Variants in ATP7B observed in about 807,000 individuals in gnomAD.
ATP7B encodes the protein copper-transporting ATPase 2.
In ATP7B, 113 loss-of-function variants were observed where a neutral mutation model predicts 118.9. That is an observed-to-expected ratio of 0.95 (90% CI 0.82 to 1.11). ATP7B has a LOEUF of 1.11. Among genes scored for constraint, ATP7B ranks in the 50% most tolerant of loss-of-function variants. ATP7B has a pLI of 0.00. For synonymous variants in ATP7B, 777 were observed against 727.4 expected (o/e 1.07, Z -1.10); for missense variants, 1,867 against 1,871.4 (o/e 1.00, Z 0.04).
chr13:51,958,148 T>C (rs1958475287), intron 8 of ATP7B, 163 bp downstream of exon 8: 1 of 770,518 alleles, frequency 1.3e-6, no homozygotes, highest in Non-Finnish European at 2.1e-6. Context: ...GTGACCAATT[T>C]GGAGATTAGT....
At position 51,941,241 on chromosome 13, in the gene ATP7B, G is replaced by A; in HGVS notation, c.3413-17C>T. 1 of 1,614,000 alleles carries A rather than the reference G, an allele frequency of 6.2e-7. No homozygotes were observed. The highest frequency in any genetic ancestry group is 8.5e-7 in the Non-Finnish European group (1 of 1,179,892). Reference sequence around the variant, plus strand: ...GGACTGCATCTATTCAAAAGAGGCTGTGGTTATTTCTAAATGGTCCAATTT... The same window carrying A: ...GGACTGCATCTATTCAAAAGAGGCTATGGTTATTTCTAAATGGTCCAATTT... On this transcript the variant is annotated splice_polypyrimidine_tract_variant and intron_variant, in intron 15 of 20. Coordinates refer to ENST00000242839, the MANE Select transcript of ATP7B (RefSeq NM_000053.4).
rs760066534 is a variant in ATP7B at position 51,970,546 on chromosome 13, T to A, written c.1489A>T (p.Met497Leu). The change falls in exon 3 of 21, where the codon ATG becomes TTG. Residue 497 changes from methionine (M) to leucine (L), a missense_variant. Met to Leu is a conservative substitution (Grantham distance 15). Transcript: ENST00000242839. ...PQKCFLQIKG[M>L]TCASCVSNIE... The stretch of plus-strand genomic sequence containing the variant: ...TTAGACACACAGGATGCACAGGTCA[T>A]GCCTTTGATCTGTAAGAAGCACTTC... 6.2e-7 allele frequency: 1 copy of A among 1,614,184 alleles called. No individual in the cohort carries two copies. Among genetic ancestry groups the A allele is most frequent in the Non-Finnish European group, 8.5e-7 (1 of 1,180,022 alleles).
intron 1 of ATP7B, among the ~76,000 whole-genome samples, chr13:51,988,910 T>TG (rs1339605733): frequency 1.5e-4 from 2 of 13,740 alleles, no homozygotes; most frequent in Non-Finnish European, 2.9e-4. Context: ...CTGTCGGGGG[T>TG]GGGGGGGCTA....
rs778848412 is a variant in ATP7B at position 51,958,317 on chromosome 13, C to T, written c.2349G>A (p.Leu783=). 7 of 1,614,050 alleles carry T rather than the reference C, an allele frequency of 4.3e-6. No individual in the cohort carries two copies. Among genetic ancestry groups the T allele is most frequent in the Non-Finnish European group, 5.1e-6 (6 of 1,180,042 alleles). ...FIALGRWLEH[L]AKSKTSEALA... ...AACCTGAAGCTGCTGTTACCTTTGC[C>T]AAGTGTTCCAGCCACCGGCCCAGGG... Residue 783 remains leucine (L), a synonymous_variant, in exon 8 of 21, where the codon TTG becomes TTA. Coordinates refer to ENST00000242839, the MANE Select transcript of ATP7B (RefSeq NM_000053.4).
chr13:51,973,710 G>A (rs980592030), intron 2 of ATP7B, among the ~76,000 whole-genome samples: 1 of 152,178 alleles, frequency 6.6e-6, no homozygotes, highest in Non-Finnish European at 1.5e-5. Context: ...ACACAAAACA[G>A]ACTAATACAA....
At chr13:51,970,469 C>CA (rs1348457979) in intron 3 of ATP7B, 23 bp downstream of exon 3, 1 of 1,614,100 alleles carries the variant, frequency 6.2e-7, no homozygotes, top group South Asian at 1.1e-5. Flanking sequence ...TTCCTAAGTT[C>CA]AACATGGGCG....
chr13:51,955,438 C>A (rs1023940243), intron 9 of ATP7B, among the ~76,000 whole-genome samples: 1 of 152,186 alleles, frequency 6.6e-6, no homozygotes, highest in Non-Finnish European at 1.5e-5. Context: ...GGTCTTCTGG[C>A]CCCTAGCTTA....
At chr13:51,975,960 T>C (rs562079280) in intron 1 of ATP7B, among the ~76,000 whole-genome samples, 9 of 152,228 alleles carry the variant, frequency 5.9e-5, no homozygotes, top group Non-Finnish European at 1.3e-4. Flanking sequence ...AGGAGAGCTG[T>C]AGTCATTACC....
At position 51,975,075 on chromosome 13, in the gene ATP7B, C is replaced by T. The variant is rs757592124; in HGVS notation, c.145G>A (p.Asp49Asn). The T allele has an allele frequency of 6.2e-7, 1 of 1,614,248 alleles. No individual in the cohort carries two copies. The highest frequency in any genetic ancestry group is 1.1e-5 in the South Asian group (1 of 91,088). The change falls in exon 2 of 21, where the codon GAT becomes AAT. Residue 49 changes from aspartate to asparagine, a missense_variant. Transcript: ENST00000242839. ...FDNVGYEGGLDGLGPSSQVAT... is the reference protein window; with the variant it reads ...FDNVGYEGGLNGLGPSSQVAT... ...ACCTGAGAAGAAGGGCCCAGGCCAT[C>T]CAGACCACCTTCATAGCCAACATTG...
chr13:51,971,908 G>C (rs985874648), intron 2 of ATP7B, among the ~76,000 whole-genome samples: 1 of 152,232 alleles, frequency 6.6e-6, no homozygotes, highest in African/African-American at 2.4e-5. Flanking sequence ...CAGTGGGCTT[G>C]CCCACGCCAC....
chr13:51,977,721 TG>T (rs1371075696), intron 1 of ATP7B, among the ~76,000 whole-genome samples: 1 of 152,220 alleles, frequency 6.6e-6, no homozygotes, highest in African/African-American at 2.4e-5. Context: ...TTTATATGAC[TG>T]GCAGTACAGT....
intron 1 of ATP7B, among the ~76,000 whole-genome samples, chr13:51,990,485 GA>G (rs1288573676): frequency 1.3e-5 from 2 of 151,852 alleles, no homozygotes; most frequent in African/African-American, 4.8e-5. Flanking sequence ...ATGTTAAAAA[GA>G]AAAAAAAGTT....
intron 1 of ATP7B, among the ~76,000 whole-genome samples, chr13:51,997,840 G>A (rs994068827): frequency 1.3e-5 from 2 of 152,164 alleles, no homozygotes; most frequent in Non-Finnish European, 1.5e-5. Flanking sequence ...TTCCAGTTTC[G>A]CAGATTGAGC....
Position 51,934,534 on chromosome 13 carries a change from C to T in ATP7B, c.*222G>A, listed in dbSNP as rs955656408. On this transcript the variant is annotated 3_prime_UTR_variant, in exon 21 of 21. Transcript: ENST00000242839. ...GAGTCCAAGACAAAGCCCATGCTGACGGTCCCGTGAGGCCAAGAGGCAGGC... is the reference window on the plus strand; with the variant it reads ...GAGTCCAAGACAAAGCCCATGCTGATGGTCCCGTGAGGCCAAGAGGCAGGC... 3.1e-5 allele frequency: 20 copies of T among 655,034 alleles called. No individual in the cohort carries two copies. The highest frequency in any genetic ancestry group is 3.9e-5 in the Non-Finnish European group (15 of 383,490). 40.6% of individuals were successfully genotyped at this position (655,034 alleles called of 1,614,324 possible). A position where few individuals can be genotyped will look rare whatever the true frequency, so the allele number is the denominator to read the frequency against.
intron 7 of ATP7B, 140 bp from the exon 8 acceptor site, chr13:51,958,684 G>A (rs1180649168): frequency 2.4e-5 from 18 of 745,950 alleles, no homozygotes; most frequent in Non-Finnish European, 3.6e-5. Flanking sequence ...TGTGATGGGC[G>A]TTTATGAAAT....
intron 1 of ATP7B, among the ~76,000 whole-genome samples, chr13:52,010,822 A>T (rs1195775865): frequency 6.6e-6 from 1 of 152,260 alleles, no homozygotes; most frequent in African/African-American, 2.4e-5. Flanking sequence ...TTTTTGTGCA[A>T]AATATTTCTG....
intron 1 of ATP7B, among the ~76,000 whole-genome samples, chr13:51,977,285 A>G (rs1321244984): frequency 6.6e-6 from 1 of 151,858 alleles, no homozygotes; most frequent in Non-Finnish European, 1.5e-5. Flanking sequence ...CTTAAAGCAC[A>G]AACACACTGG....
chr13:52,006,390 C>G (rs1328233525), intron 1 of ATP7B, among the ~76,000 whole-genome samples: 1 of 152,226 alleles, frequency 6.6e-6, no homozygotes, highest in Admixed American at 6.5e-5. Flanking sequence ...CAACTGCACT[C>G]TGTTGCTGCT....
Position 51,961,235 on chromosome 13 carries a change from A to C in ATP7B, c.1946+602T>G, listed in dbSNP as rs114474090. ...ATTGCTCACTCACTCTTTCTCAGCC[A>C]GACTATGGGCCCCTCCGAGACAGGG... On this transcript the variant is annotated intron_variant, in intron 6 of 20. Transcript: ENST00000242839. Among the ~76,000 whole-genome samples the C allele has an allele frequency of 4.5e-3, 685 of 151,958 alleles. 5 individuals carry two copies. Among genetic ancestry groups the C allele is most frequent in the African/African-American group, 0.016 (652 of 41,418 alleles).
Sources: allele counts gnomAD v4.1 joint callset (sites outside exome capture counted in the v4.1 genomes callset), GRCh38; gene constraint gnomAD v4.1.1; transcripts MANE v1.5; gene names NCBI Gene and HGNC (gene_info 2026-07-23, HGNC 2026-07-21).